Variants in HECW1 observed in about 807,000 individuals in gnomAD.
The protein encoded by HECW1 is HECT, C2 and WW domain containing E3 ubiquitin protein ligase 1.
Under a neutral mutation model 182.3 loss-of-function variants are expected in HECW1, and 61 were observed. That is an observed-to-expected ratio of 0.33 (90% CI 0.27 to 0.41). HECW1 has a LOEUF of 0.41. Ranked by LOEUF, HECW1 falls within the 10% of genes least tolerant of loss-of-function variation. The pLI, the probability that HECW1 is intolerant of heterozygous loss-of-function variation, is 1.00. For missense variants in HECW1, 1,739 were observed against 2,108.9 expected, an observed-to-expected ratio of 0.82 and a Z score of 3.44; for synonymous variants, 859 against 832.6, an observed-to-expected ratio of 1.03 and a Z score of -0.55.
rs372665438 is a variant in HECW1 at position 43,445,542 on chromosome 7, C to A, written c.2370C>A (p.Pro790=). Residue 790 remains proline, a synonymous_variant, in exon 11 of 30, where the codon CCC becomes CCA. Transcript: ENST00000395891. ...GAAGCCCGGAAGGTCTGGAATCCCC[C>A]GTGGCAGGTCCAAGCAATCGGAGAG... The part of the protein sequence containing the change: ...VERSPEGLES[P]VAGPSNRREG... 2 of 1,600,390 alleles carry A rather than the reference C, an allele frequency of 1.2e-6. No individual in the cohort carries two copies. Among genetic ancestry groups the A allele is most frequent in the South Asian group, 2.2e-5 (2 of 90,414 alleles).
At chr7:43,234,752 C>T (rs919848153) in intron 2 of HECW1, among the ~76,000 whole-genome samples, 3 of 152,178 alleles carry the variant, frequency 2.0e-5, no homozygotes, top group African/African-American at 7.2e-5. Flanking sequence ...TCCCTCAACA[C>T]GAGCTCCACA....
At chr7:43,330,222 T>A (rs779745400) in intron 5 of HECW1, among the ~76,000 whole-genome samples, 1 of 152,170 alleles carries the variant, frequency 6.6e-6, no homozygotes, top group African/African-American at 2.4e-5. Context: ...AAGCTTCCAC[T>A]TCCTCCCTCC....
intron 14 of HECW1, 78 bp from the exon 15 acceptor site, chr7:43,466,369 C>G: frequency 1.4e-6 from 2 of 1,467,268 alleles, no homozygotes; most frequent in African/African-American, 1.4e-5. Flanking sequence ...TGTGTGCTGC[C>G]ACTGTCAGGA....
chr7:43,548,288 T>G (rs190821836), intron 26 of HECW1, among the ~76,000 whole-genome samples: 222 of 152,318 alleles, frequency 1.5e-3, no homozygotes, highest in Non-Finnish European at 2.4e-3. Flanking sequence ...TTTCTAGGTA[T>G]GCAGGTCATC....
chr7:43,338,124 A>G (rs1812528521), intron 5 of HECW1, among the ~76,000 whole-genome samples: 1 of 152,184 alleles, frequency 6.6e-6, no homozygotes, highest in Non-Finnish European at 1.5e-5. Flanking sequence ...ATCTAGGATT[A>G]GGGACTTTTG....
At chr7:43,412,597 T>A (rs1584813880) in intron 8 of HECW1, among the ~76,000 whole-genome samples, 2 of 92,434 alleles carry the variant, frequency 2.2e-5, no homozygotes, top group African/African-American at 7.9e-5. Context: ...ATGCTATCCC[T>A]CCCCCCTCCC....
At chr7:43,419,660 A>G (rs1387041137) in intron 8 of HECW1, among the ~76,000 whole-genome samples, 6 of 152,326 alleles carry the variant, frequency 3.9e-5, no homozygotes, top group Non-Finnish European at 8.8e-5. Flanking sequence ...TTTAATATTC[A>G]TTTATGATTT....
chr7:43,527,067 G>C (rs1477408224), intron 24 of HECW1, among the ~76,000 whole-genome samples: 1 of 152,110 alleles, frequency 6.6e-6, no homozygotes, highest in Non-Finnish European at 1.5e-5. Context: ...AGCCTTTTAT[G>C]GTCAAATTTT....
chr7:43,405,028 G>T (rs1478931493), intron 7 of HECW1, among the ~76,000 whole-genome samples: 1 of 152,138 alleles, frequency 6.6e-6, no homozygotes, highest in Non-Finnish European at 1.5e-5. Flanking sequence ...CAAAGAGGCG[G>T]GTTCAAATCT....
intron 10 of HECW1, among the ~76,000 whole-genome samples, chr7:43,442,898 T>G (rs1203593616): frequency 6.6e-6 from 1 of 151,600 alleles, no homozygotes; most frequent in Non-Finnish European, 1.5e-5. Flanking sequence ...GGATAGGGAG[T>G]TCTGTCTTAT....
chr7:43,486,334 TGGAGTGCAATGGCAC>T (rs760044944), intron 17 of HECW1, among the ~76,000 whole-genome samples: 54 of 152,142 alleles, frequency 3.5e-4, no homozygotes, highest in Non-Finnish European at 7.1e-4. Flanking sequence ...TCTCCCAGGC[TGGAGTGCAATGGCAC>T]GGAGTGCAAT....
intron 2 of HECW1, among the ~76,000 whole-genome samples, chr7:43,228,867 A>T (rs1797651657): frequency 6.6e-6 from 1 of 152,234 alleles, no homozygotes; most frequent in African/African-American, 2.4e-5. Context: ...GGAATATAAA[A>T]TTGCGTATAC....
chr7:43,123,369 C>T (rs929206575), intron 2 of HECW1, among the ~76,000 whole-genome samples: 3 of 152,112 alleles, frequency 2.0e-5, no homozygotes, highest in African/African-American at 4.8e-5. Flanking sequence ...GTGTACCTGC[C>T]GTTGACCTTG....
chr7:43,125,920 C>T (rs2152611637), intron 2 of HECW1, among the ~76,000 whole-genome samples: 1 of 152,144 alleles, frequency 6.6e-6, no homozygotes, highest in South Asian at 2.1e-4. Context: ...TCAGTCTAAG[C>T]TCAAGGAGAC....
intron 9 of HECW1, 63 bp downstream of exon 9, chr7:43,438,208 G>A: frequency 6.9e-7 from 1 of 1,447,220 alleles, no homozygotes; most frequent in South Asian, 1.2e-5. Context: ...GCCCAAAGGT[G>A]GCCTGTAGGC....
chr7:43,243,744 T>G lies in HECW1; in HGVS notation c.-31-131T>G. The G allele has an allele frequency of 2.8e-6, 2 of 719,416 alleles. No homozygotes were observed. Among genetic ancestry groups the G allele is most frequent in the Non-Finnish European group, 5.1e-6 (2 of 390,586 alleles). 44.6% of individuals were successfully genotyped at this position (719,416 alleles called of 1,614,324 possible). On this transcript the variant is annotated intron_variant, in intron 2 of 29. Coordinates refer to ENST00000395891, the MANE Select transcript of HECW1 (RefSeq NM_015052.5). The surrounding 1 kb of genome is among the most constrained non-coding windows in gnomAD (Gnocchi z 4.0). ...GTGTGGTCCTTGTGTGATTTTTCCT[T>G]TTGCACGTCGGTTGCCCAGGCCAGG...
intron 6 of HECW1, among the ~76,000 whole-genome samples, chr7:43,378,757 G>C (rs2074424373): frequency 1.3e-5 from 2 of 151,948 alleles, no homozygotes. Context: ...CATGAACTGA[G>C]ATTGCGCTAC....
chr7:43,159,683 T>C (rs907832904), intron 2 of HECW1, among the ~76,000 whole-genome samples: 1 of 148,468 alleles, frequency 6.7e-6, no homozygotes, highest in Non-Finnish European at 1.5e-5. Flanking sequence ...TGTATCTTTT[T>C]TTTTTTTTTT....
intron 24 of HECW1, among the ~76,000 whole-genome samples, chr7:43,519,536 G>C (rs999449909): frequency 6.6e-6 from 1 of 152,206 alleles, no homozygotes; most frequent in African/African-American, 2.4e-5. Context: ...GAGCCACCGC[G>C]CCTGGCCTAG....
Sources: gnomAD v4.1 joint callset for allele counts (sites outside exome capture counted in the v4.1 genomes callset) on GRCh38, gnomAD v4.1.1 for gene constraint, Gnocchi (gnomAD v3.1) non-coding constraint, MANE v1.5 for transcripts, NCBI Gene and HGNC (gene_info 2026-07-23, HGNC 2026-07-21) for gene names.